The following ADGRL3 variants were observed in gnomAD, a reference collection of about 807,000 sequenced individuals.
ADGRL3 encodes calcium-independent alpha-latrotoxin receptor 3.
In ADGRL3, 62 loss-of-function variants were observed where a neutral mutation model predicts 153.5. That is an observed-to-expected ratio of 0.40 (90% CI 0.33 to 0.50). ADGRL3 has a LOEUF of 0.50. ADGRL3 is among the 20% of genes least tolerant of loss of function. The probability of loss-of-function intolerance (pLI) is 0.47; values close to 1 mark genes in which losing one functional copy is unlikely to be tolerated. For synonymous variants in ADGRL3, 710 were observed against 672.5 expected (o/e 1.06, Z -0.86); for missense variants, 1,641 against 1,859.4 (o/e 0.88, Z 2.16).
At chr4:61,328,374 T>C (rs1207089403) in intron 1 of ADGRL3, among the ~76,000 whole-genome samples, 1 of 152,170 alleles carries the variant, frequency 6.6e-6, no homozygotes, top group East Asian at 1.9e-4. Flanking sequence ...GCTTTCCCAG[T>C]GATTGGTTAT....
Position 62,070,453 on chromosome 4 carries a change from G to A in ADGRL3, c.4177G>A (p.Glu1393Lys). Residue 1393 changes from glutamate (E) to lysine (K), a missense_variant, in exon 27 of 27, where the codon GAA becomes AAA. Coordinates refer to ENST00000683033, the MANE Select transcript of ADGRL3 (RefSeq NM_001387552.1). ...TAACCACGAGGAGAGTTTGGGCCTG[G>A]AACTCATTCATGAGGAATCTGATGC... ...SFNHEESLGL[E>K]LIHEESDAPL... is the part of the protein sequence containing the mutation. 1 of 1,551,476 alleles carries A rather than the reference G, an allele frequency of 6.4e-7. No individual in the cohort carries two copies. Among genetic ancestry groups the A allele is most frequent in the Non-Finnish European group, 8.7e-7 (1 of 1,146,952 alleles).
chr4:61,876,115 T>C (rs1283880013), intron 9 of ADGRL3, among the ~76,000 whole-genome samples: 1 of 152,038 alleles, frequency 6.6e-6, no homozygotes, highest in Non-Finnish European at 1.5e-5. Context: ...TTTTTTTCCT[T>C]TTTAGATAAT....
intron 1 of ADGRL3, among the ~76,000 whole-genome samples, chr4:61,311,041 C>A (rs1318400624): frequency 6.7e-6 from 1 of 148,814 alleles, no homozygotes; most frequent in Non-Finnish European, 1.5e-5. Flanking sequence ...AATTTCAACT[C>A]TAGGAAAAAA....
intron 4 of ADGRL3, among the ~76,000 whole-genome samples, chr4:61,558,759 T>G (rs905908323): frequency 1.3e-5 from 2 of 151,970 alleles, no homozygotes; most frequent in Non-Finnish European, 2.9e-5. Flanking sequence ...GTTATTCAAG[T>G]TTTTTCTGCA....
intron 11 of ADGRL3, among the ~76,000 whole-genome samples, chr4:61,907,554 G>T (rs1281245420): frequency 6.6e-6 from 1 of 151,332 alleles, no homozygotes; most frequent in African/African-American, 2.4e-5. Flanking sequence ...ACCGTGCCCA[G>T]CCCAGTACTT....
chr4:61,379,695 G>C (rs2096645199), intron 1 of ADGRL3, among the ~76,000 whole-genome samples: 1 of 151,908 alleles, frequency 6.6e-6, no homozygotes, highest in Non-Finnish European at 1.5e-5. Flanking sequence ...ATGTCACTTG[G>C]ACTGAAAAAA....
At chr4:61,758,508 C>G (rs2096867534) in intron 8 of ADGRL3, among the ~76,000 whole-genome samples, 1 of 151,996 alleles carries the variant, frequency 6.6e-6, no homozygotes, top group Non-Finnish European at 1.5e-5. Context: ...CAACCCCTGC[C>G]TTTTTCTGTT....
chr4:61,200,971 G>A lies in ADGRL3; in HGVS notation c.-1034G>A, dbSNP rs537709344. ...CGCGCCCCCTCCGTGCACCGGGGAAGGAGTTTGTGTGGCTCTCGCTCCGGC... is the reference window on the plus strand; with the variant it reads ...CGCGCCCCCTCCGTGCACCGGGGAAAGAGTTTGTGTGGCTCTCGCTCCGGC... On this transcript the variant is annotated 5_prime_UTR_variant, in exon 1 of 27. Coordinates refer to ENST00000683033, the MANE Select transcript of ADGRL3 (RefSeq NM_001387552.1). 4.0e-4 allele frequency among the ~76,000 whole-genome samples: 61 copies of A among 152,240 alleles called. No homozygotes were observed. Among genetic ancestry groups the A allele is most frequent in the Non-Finnish European group, 7.5e-4 (51 of 68,012 alleles).
At chr4:61,853,943 T>C (rs2098236377) in intron 9 of ADGRL3, among the ~76,000 whole-genome samples, 1 of 152,228 alleles carries the variant, frequency 6.6e-6, no homozygotes, top group Non-Finnish European at 1.5e-5. Flanking sequence ...TTACTTGGCA[T>C]TGCAAGCATA....
chr4:61,658,463 T>G (rs149771076), intron 5 of ADGRL3, among the ~76,000 whole-genome samples: 1,957 of 152,272 alleles, frequency 0.013, 25 homozygotes, highest in Non-Finnish European at 0.018. Context: ...CCTTAGTTTT[T>G]TTCACTTAAA....
chr4:61,457,257 A>T (rs2097765272), intron 2 of ADGRL3, among the ~76,000 whole-genome samples: 1 of 152,000 alleles, frequency 6.6e-6, no homozygotes, highest in Admixed American at 6.6e-5. Flanking sequence ...GTCGTATTGT[A>T]GTCATTCTCA....
At chr4:61,811,475 T>G (rs1302788205) in intron 8 of ADGRL3, among the ~76,000 whole-genome samples, 1 of 152,130 alleles carries the variant, frequency 6.6e-6, no homozygotes, top group African/African-American at 2.4e-5. Context: ...TGCCTAGAGC[T>G]GATATGGCTT....
At chr4:61,418,926 C>T (rs1352534963) in intron 2 of ADGRL3, among the ~76,000 whole-genome samples, 3 of 150,626 alleles carry the variant, frequency 2.0e-5, no homozygotes, top group Non-Finnish European at 4.4e-5. Flanking sequence ...AGTTTATTTA[C>T]AGTTTAGTGA....
intron 2 of ADGRL3, among the ~76,000 whole-genome samples, chr4:61,491,970 A>C (rs1461518583): frequency 1.3e-5 from 2 of 152,140 alleles, no homozygotes; most frequent in Non-Finnish European, 2.9e-5. Context: ...AATGCTCCTA[A>C]AGTAAGTTGT....
chr4:61,613,631 C>G (rs1445938578), intron 5 of ADGRL3, among the ~76,000 whole-genome samples: 1 of 152,110 alleles, frequency 6.6e-6, no homozygotes, highest in East Asian at 1.9e-4. Flanking sequence ...GTAGTCCCAG[C>G]CACTCGGGAG....
chr4:61,921,994 A>G (rs1404420350), intron 13 of ADGRL3, among the ~76,000 whole-genome samples: 1 of 152,188 alleles, frequency 6.6e-6, no homozygotes, highest in East Asian at 1.9e-4. Flanking sequence ...AAACTACTAA[A>G]CTAAATAATG....
intron 9 of ADGRL3, among the ~76,000 whole-genome samples, chr4:61,891,677 T>C: frequency 6.6e-6 from 1 of 152,154 alleles, no homozygotes; most frequent in South Asian, 2.1e-4. Context: ...CTACATCTCC[T>C]TAAACATGAG....
intron 3 of ADGRL3, 25 bp downstream of exon 3, chr4:61,497,373 A>G (rs1263938920): frequency 5.3e-6 from 8 of 1,511,866 alleles, no homozygotes; most frequent in African/African-American, 1.4e-5. Flanking sequence ...ATTTTTGTGT[A>G]ATGCTTAATG....
intron 5 of ADGRL3, among the ~76,000 whole-genome samples, chr4:61,661,456 G>C (rs1332715842): frequency 6.6e-6 from 1 of 151,990 alleles, no homozygotes; most frequent in East Asian, 1.9e-4. Context: ...GAAAACCACA[G>C]CCTTACATCA....
Sources: gnomAD v4.1 joint callset for allele counts (sites outside exome capture counted in the v4.1 genomes callset) on GRCh38, gnomAD v4.1.1 for gene constraint, MANE v1.5 for transcripts, NCBI Gene and HGNC (gene_info 2026-07-23, HGNC 2026-07-21) for gene names.